The following CSMD1 variants were observed in gnomAD, a reference collection of about 807,000 sequenced individuals.
CSMD1 encodes the protein CUB and Sushi multiple domains 1.
In CSMD1, 213 loss-of-function variants were observed where a neutral mutation model predicts 417.5. The ratio of observed to expected loss-of-function variants is 0.51; its 90% CI spans 0.46 to 0.57. The LOEUF (loss-of-function observed/expected upper bound fraction) is 0.57, where lower values mean the gene tolerates loss of function less well. Ranked by LOEUF, CSMD1 falls within the 20% of genes least tolerant of loss-of-function variation. CSMD1 has a pLI of 0.00. For missense variants in CSMD1, 6,923 were observed against 4,529.7 expected, an observed-to-expected ratio of 1.53 and a Z score of -15.17; for synonymous variants, 2,862 against 1,736.8, an observed-to-expected ratio of 1.65 and a Z score of -16.11.
At chr8:4,131,454 A>C (rs548564186) in intron 3 of CSMD1, among the ~76,000 whole-genome samples, 76 of 152,334 alleles carry the variant, frequency 5.0e-4, no homozygotes, top group African/African-American at 1.8e-3. Flanking sequence ...ATATACGATT[A>C]AACTTCTTAA....
At chr8:3,667,690 A>T (rs10108208) in intron 7 of CSMD1, among the ~76,000 whole-genome samples, 24,215 of 152,134 alleles carry the variant, frequency 0.16, 2,123 homozygotes, top group South Asian at 0.22. Flanking sequence ...CATGGTGATG[A>T]CTGAATTGAG....
At chr8:4,772,930 T>C (rs1796670280) in intron 1 of CSMD1, among the ~76,000 whole-genome samples, 1 of 152,148 alleles carries the variant, frequency 6.6e-6, no homozygotes, top group Non-Finnish European at 1.5e-5. Flanking sequence ...CAATACTTCA[T>C]CCCTGCAACA....
rs140564260 is a variant in CSMD1 at position 3,277,063 on chromosome 8, C to T, written c.4153+7081G>A. ...CACTGGAATTTCTTGTGCAACAAGG[C>T]GGGGAAGGTCAGTCCAGTGTGTAAC... On this transcript the variant is annotated intron_variant, in intron 26 of 69. Coordinates refer to ENST00000635120, the MANE Select transcript of CSMD1 (RefSeq NM_033225.6). 2.1e-3 allele frequency among the ~76,000 whole-genome samples: 322 copies of T among 152,114 alleles called. 2 individuals carry two copies. The highest frequency in any genetic ancestry group is 7.5e-3 in the African/African-American group (310 of 41,514).
chr8:3,884,609 T>C (rs921383359), intron 5 of CSMD1, among the ~76,000 whole-genome samples: 3 of 152,152 alleles, frequency 2.0e-5, no homozygotes, highest in Non-Finnish European at 2.9e-5. Context: ...AGTCATTTGT[T>C]CTGATTTGGT....
chr8:3,327,518 A>G (rs543208406), intron 23 of CSMD1, among the ~76,000 whole-genome samples: 1 of 152,268 alleles, frequency 6.6e-6, no homozygotes. Flanking sequence ...TTATTAACAT[A>G]ATATCAGTTT....
intron 1 of CSMD1, among the ~76,000 whole-genome samples, chr8:4,925,516 G>A (rs1037441730): frequency 1.3e-5 from 2 of 150,656 alleles, no homozygotes; most frequent in African/African-American, 2.4e-5. Flanking sequence ...TCTGAAACGT[G>A]GGTATTCTGT....
intron 23 of CSMD1, among the ~76,000 whole-genome samples, chr8:3,341,790 C>T (rs1385237133): frequency 6.6e-6 from 1 of 152,188 alleles, no homozygotes; most frequent in Non-Finnish European, 1.5e-5. Flanking sequence ...TACCCACAGG[C>T]TTTTCAAACA....
intron 37 of CSMD1, among the ~76,000 whole-genome samples, chr8:3,175,724 G>A (rs1237633644): frequency 6.6e-6 from 1 of 152,096 alleles, no homozygotes; most frequent in Non-Finnish European, 1.5e-5. Flanking sequence ...ACTGGACCAT[G>A]TCTACTGCTG....
At chr8:4,588,000 G>A (rs945927572) in intron 2 of CSMD1, among the ~76,000 whole-genome samples, 4 of 152,140 alleles carry the variant, frequency 2.6e-5, no homozygotes, top group Non-Finnish European at 5.9e-5. Context: ...CCTGAATCGT[G>A]AATGCAGCAC....
At chr8:3,519,514 T>TAC (rs539531835) in intron 10 of CSMD1, among the ~76,000 whole-genome samples, 386 of 152,276 alleles carry the variant, frequency 2.5e-3, no homozygotes, top group African/African-American at 8.8e-3. Context: ...TTGTCTAGTA[T>TAC]ACAGCACAGT....
chr8:4,925,215 G>GGTTTTTTTTTTT (rs762807942), intron 1 of CSMD1, among the ~76,000 whole-genome samples: 2 of 72,740 alleles, frequency 2.7e-5, no homozygotes, highest in South Asian at 1.4e-3. Context: ...CAGTTTTATG[G>GGTTTTTTTTTTT]TTTTTTTTTT....
At chr8:3,438,281 A>T (rs1814705817) in intron 12 of CSMD1, among the ~76,000 whole-genome samples, 1 of 152,208 alleles carries the variant, frequency 6.6e-6, no homozygotes, top group South Asian at 2.1e-4. Context: ...ACCTTCGTGC[A>T]GCTTTCCCCA....
At chr8:3,849,709 G>A (rs1323736511) in intron 5 of CSMD1, among the ~76,000 whole-genome samples, 3 of 152,280 alleles carry the variant, frequency 2.0e-5, no homozygotes, top group Middle Eastern at 6.8e-3. Context: ...GATCGGCACA[G>A]GAAACACAGG....
At chr8:4,040,838 G>A (rs1797849625) in intron 3 of CSMD1, among the ~76,000 whole-genome samples, 1 of 151,950 alleles carries the variant, frequency 6.6e-6, no homozygotes, top group African/African-American at 2.4e-5. Context: ...AGCAGCTCCG[G>A]ACAATCGAAA....
intron 3 of CSMD1, among the ~76,000 whole-genome samples, chr8:4,328,596 G>A (rs143673539): frequency 3.7e-4 from 57 of 152,052 alleles, no homozygotes; most frequent in African/African-American, 1.3e-3. Context: ...AATTAAAAAT[G>A]AAGTCATTTT....
intron 1 of CSMD1, among the ~76,000 whole-genome samples, chr8:4,834,977 A>AAAAAAAAAG (rs1385745588): frequency 6.5e-4 from 21 of 32,250 alleles, no homozygotes; most frequent in East Asian, 3.0e-3. Context: ...AAAAAAAAAA[A>AAAAAAAAAG]AAAGAAAGAA....
intron 5 of CSMD1, among the ~76,000 whole-genome samples, chr8:3,888,970 G>T (rs1040550419): frequency 7.2e-5 from 11 of 152,168 alleles, no homozygotes; most frequent in African/African-American, 2.4e-4. Flanking sequence ...TATATTTAAA[G>T]AAACTTTATC....
intron 62 of CSMD1, among the ~76,000 whole-genome samples, chr8:2,958,309 G>A (rs1309620286): frequency 1.3e-5 from 2 of 152,112 alleles, no homozygotes; most frequent in Non-Finnish European, 2.9e-5. Context: ...TTCCTCACCA[G>A]GTCTTCACAA....
chr8:4,685,041 A>C (rs993519499), intron 1 of CSMD1, among the ~76,000 whole-genome samples: 1 of 152,214 alleles, frequency 6.6e-6, no homozygotes, highest in African/African-American at 2.4e-5. Context: ...GCAGCTTCCA[A>C]CATGATTCTT....
Sources: gnomAD v4.1 joint callset for allele counts (sites outside exome capture counted in the v4.1 genomes callset) on GRCh38, gnomAD v4.1.1 for gene constraint, MANE v1.5 for transcripts, NCBI Gene and HGNC (gene_info 2026-07-23, HGNC 2026-07-21) for gene names.